SEM1: variants seen among roughly 807,000 people sequenced by gnomAD.
SEM1 encodes the protein 26S proteasome complex subunit SEM1.
SEM1 carries 3 observed loss-of-function variants against 12.7 expected under a neutral mutation model. The observed-to-expected ratio is 0.24, with a 90% CI of 0.11 to 0.61. The LOEUF (loss-of-function observed/expected upper bound fraction) is 0.61. Ranked by LOEUF, SEM1 falls within the 20% of genes least tolerant of loss-of-function variation. The pLI is 0.88. For missense variants in SEM1, 59 were observed against 81.3 expected (o/e 0.73, Z 1.06); for synonymous variants, 30 against 27.8 (o/e 1.08, Z -0.25).
chr7:96,697,168 G>A (rs1234829617), intron 1 of SEM1: 7 of 147,834 alleles, frequency 4.7e-5, no homozygotes, highest in African/African-American at 1.8e-4. Flanking sequence ...ATGTGTACTG[G>A]TTTAAAAAAA....
At chr7:96,596,783 G>C (rs1807011148) in intron 2 of SEM1, among the ~76,000 whole-genome samples, 1 of 152,014 alleles carries the variant, frequency 6.6e-6, no homozygotes, top group Admixed American at 6.5e-5. Flanking sequence ...TTTTGTCTTT[G>C]TCAAAACAAA....
chr7:96,519,637 G>T (rs1041376652), intron 2 of SEM1, among the ~76,000 whole-genome samples: 2 of 152,094 alleles, frequency 1.3e-5, no homozygotes, highest in African/African-American at 4.8e-5. Context: ...ACTCCAGGCA[G>T]AGGGAGTCAT....
At chr7:96,545,741 T>C (rs1805085771) in intron 2 of SEM1, among the ~76,000 whole-genome samples, 1 of 152,096 alleles carries the variant, frequency 6.6e-6, no homozygotes, top group Admixed American at 6.6e-5. Context: ...TATCCATATT[T>C]GGCCCATACA....
intron 2 of SEM1, among the ~76,000 whole-genome samples, chr7:96,660,149 A>G (rs1320961063): frequency 6.6e-6 from 1 of 152,180 alleles, no homozygotes; most frequent in African/African-American, 2.4e-5. Context: ...TGAGATGGCT[A>G]TAATAACAGC....
intron 2 of SEM1, among the ~76,000 whole-genome samples, chr7:96,573,558 T>C (rs1806108347): frequency 6.6e-6 from 1 of 152,200 alleles, no homozygotes; most frequent in African/African-American, 2.4e-5. Flanking sequence ...GATTCTGGGT[T>C]GAAAATTCTT....
chr7:96,689,677 T>C (rs988450271), intron 2 of SEM1, among the ~76,000 whole-genome samples: 4 of 152,234 alleles, frequency 2.6e-5, no homozygotes, highest in African/African-American at 9.6e-5. Context: ...TTAGCATTCA[T>C]TTCTCAAAAC....
upstream of SEM1, among the ~76,000 whole-genome samples, chr7:96,498,342 G>A (rs368598549): frequency 2.0e-4 from 30 of 149,258 alleles, no homozygotes; most frequent in South Asian, 6.5e-3. Context: ...ATTACACGTC[G>A]TTTTGTGTAT....
chr7:96,597,580 T>G (rs1807042958), intron 2 of SEM1, among the ~76,000 whole-genome samples: 1 of 152,082 alleles, frequency 6.6e-6, no homozygotes, highest in Admixed American at 6.6e-5. Flanking sequence ...CATAGATTCA[T>G]CAGCTTGCAA....
chr7:96,502,938 C>T lies in SEM1; in HGVS notation c.*60+3685G>A, dbSNP rs143422001. ...AGTCTGAGAAATGGCTTGGATCTCA[C>T]AGTTTCTCTAGGGGTCTCTCCCTTT... is the stretch of plus-strand genomic sequence containing the variant. On this transcript the variant is annotated intron_variant and NMD_transcript_variant, in intron 3 of 3. Transcript: ENST00000466986. 2.6e-3 allele frequency among the ~76,000 whole-genome samples: 395 copies of T among 152,276 alleles called. 2 individuals carry two copies. Among genetic ancestry groups the T allele is most frequent in the African/African-American group, 9.3e-3 (388 of 41,584 alleles).
At chr7:96,562,845 A>G (rs1417481188) in intron 2 of SEM1, among the ~76,000 whole-genome samples, 1 of 152,160 alleles carries the variant, frequency 6.6e-6, no homozygotes, top group Non-Finnish European at 1.5e-5. Context: ...TTTATTTACC[A>G]TAGATGTAGA....
intron 1 of SEM1, among the ~76,000 whole-genome samples, chr7:96,494,112 G>A (rs1418765446): frequency 6.6e-6 from 1 of 152,088 alleles, no homozygotes; most frequent in Non-Finnish European, 1.5e-5. Flanking sequence ...TTTACACCTA[G>A]GAAGAAATCT....
intron 2 of SEM1, among the ~76,000 whole-genome samples, chr7:96,667,188 G>A (rs1789192459): frequency 6.6e-6 from 1 of 152,154 alleles, no homozygotes. Context: ...TCTCTTGAGA[G>A]ATTTTCAAGG....
At chr7:96,580,238 T>C (rs368236264) in intron 2 of SEM1, among the ~76,000 whole-genome samples, 43,148 of 143,628 alleles carry the variant, frequency 0.3, 6,065 homozygotes, top group Middle Eastern at 0.32. Context: ...TTTGTTCTTG[T>C]GATAGTTTAC....
At chr7:96,633,329 G>T (rs1409184645) in intron 2 of SEM1, among the ~76,000 whole-genome samples, 1 of 152,116 alleles carries the variant, frequency 6.6e-6, no homozygotes, top group East Asian at 1.9e-4. Flanking sequence ...TTGGTATTTT[G>T]TAATAACAAA....
chr7:96,542,021 A>T (rs2115787472), intron 2 of SEM1, among the ~76,000 whole-genome samples: 1 of 146,148 alleles, frequency 6.8e-6, no homozygotes, highest in East Asian at 2.0e-4. Flanking sequence ...GAAGTTGAGT[A>T]ACGTGATACC....
At chr7:96,623,721 C>T (rs570015315) in intron 2 of SEM1, among the ~76,000 whole-genome samples, 9 of 151,930 alleles carry the variant, frequency 5.9e-5, no homozygotes, top group African/African-American at 2.2e-4. Context: ...AAAGGTTGTA[C>T]TTGTTCCCAG....
At position 96,483,579 on chromosome 7, in the gene SEM1, T is replaced by G. The variant is rs1358198220; in HGVS notation, c.*280A>C. On this transcript the variant is annotated 3_prime_UTR_variant, in exon 4 of 4. Coordinates refer to the SEM1 transcript ENST00000356686. ...ACTCTACTGGGCTCTATTTTCACTC[T>G]GGAACCAGCCTGTTGGAGAAGTCAC... 6 of 423,578 alleles carry G rather than the reference T, an allele frequency of 1.4e-5. 1 individual carries two copies. The highest frequency in any genetic ancestry group is 2.7e-5 in the Non-Finnish European group (6 of 226,096). The allele number at this position is 423,578 out of a possible 1,614,324, so 26.2% of individuals were successfully genotyped here.
intron 2 of SEM1, among the ~76,000 whole-genome samples, chr7:96,651,811 G>A (rs1584834752): frequency 1.3e-5 from 2 of 152,132 alleles, no homozygotes; most frequent in African/African-American, 4.8e-5. Context: ...GACCTCAAGT[G>A]ATCCGCCTGC....
At chr7:96,508,270 TTATG>T (rs1168686146) in intron 2 of SEM1, among the ~76,000 whole-genome samples, 7 of 152,068 alleles carry the variant, frequency 4.6e-5, no homozygotes, top group African/African-American at 1.7e-4. Flanking sequence ...TAAAATGTAT[TTATG>T]TATTGCTCAT....
Sources: allele counts gnomAD v4.1 joint callset (sites outside exome capture counted in the v4.1 genomes callset), GRCh38; gene constraint gnomAD v4.1.1; transcripts MANE v1.5; gene names NCBI Gene and HGNC (gene_info 2026-07-23, HGNC 2026-07-21).